Variants in EIF4G3 observed in about 807,000 individuals in gnomAD.
The protein encoded by EIF4G3 is eukaryotic translation initiation factor 4 gamma 3.
Under a neutral mutation model 186.4 loss-of-function variants are expected in EIF4G3, and 34 were observed. That is an observed-to-expected ratio of 0.18 (90% CI 0.14 to 0.24). EIF4G3 has a LOEUF of 0.24. Among genes scored for constraint, EIF4G3 ranks in the 10% least tolerant of loss-of-function variants. The pLI is 1.00. For missense variants in EIF4G3, 1,536 were observed against 1,948.5 expected (o/e 0.79, Z 3.99); for synonymous variants, 673 against 679.5 (o/e 0.99, Z 0.15).
chr1:21,132,718 G>C (rs1270435734), intron 2 of EIF4G3, among the ~76,000 whole-genome samples: 1 of 151,922 alleles, frequency 6.6e-6, no homozygotes, highest in Admixed American at 6.6e-5. Flanking sequence ...AGAAGCACAG[G>C]CATGAGCTAC....
Position 21,050,865 on chromosome 1 carries a change from C to T in EIF4G3, c.-67+1G>A. 1 of 694,784 alleles carries T rather than the reference C, an allele frequency of 1.4e-6. No homozygotes were observed. Among genetic ancestry groups the T allele is most frequent in the Non-Finnish European group, 2.6e-6 (1 of 379,562 alleles). 43.0% of individuals were successfully genotyped at this position (694,784 alleles called of 1,614,324 possible). A position where few individuals can be genotyped will look rare whatever the true frequency, so the allele number is the denominator to read the frequency against. ...ATTTTTTTAAAAAAGGTTTATCTTA[C>T]TTGAGAGAGTCCAGGGGACGATGCA... On this transcript the variant is annotated splice_donor_variant, in intron 4 of 36. Coordinates refer to ENST00000602326, the MANE Select transcript of EIF4G3 (RefSeq NM_001391906.1). LOFTEE classifies it low-confidence loss of function (5UTR_SPLICE).
chr1:21,117,774 G>A (rs1472119308), intron 2 of EIF4G3, among the ~76,000 whole-genome samples: 3 of 102,286 alleles, frequency 2.9e-5, no homozygotes, highest in Non-Finnish European at 6.8e-5. Context: ...AAAAGCAGAA[G>A]TGGGAGGATG....
intron 2 of EIF4G3, among the ~76,000 whole-genome samples, chr1:21,145,671 A>T (rs2097427101): frequency 6.6e-6 from 1 of 152,206 alleles, no homozygotes; most frequent in Non-Finnish European, 1.5e-5. Flanking sequence ...TGAATGGTAA[A>T]GTCTCACCAA....
At chr1:20,855,094 T>C in intron 25 of EIF4G3, 23 bp from the exon 26 acceptor site, 2 of 1,528,422 alleles carry the variant, frequency 1.3e-6, no homozygotes, top group Non-Finnish European at 1.8e-6. Flanking sequence ...GGACCACAAG[T>C]CAATTATAGG....
At chr1:20,850,656 C>T (rs867191923) in intron 28 of EIF4G3, among the ~76,000 whole-genome samples, 45 of 152,114 alleles carry the variant, frequency 3.0e-4, no homozygotes, top group African/African-American at 1.0e-3. Flanking sequence ...TAAGTGTTTA[C>T]GTGTATTAAC....
chr1:21,017,627 CAAAAAAAAAAAA>C (rs71014146), intron 4 of EIF4G3, among the ~76,000 whole-genome samples: 9 of 49,230 alleles, frequency 1.8e-4, no homozygotes, highest in Non-Finnish European at 2.5e-4. Flanking sequence ...GACTCCGTCT[CAAAAAAAAAAAA>C]AAAAAAAAAA....
At chr1:20,940,219 A>G (rs927969282) in intron 14 of EIF4G3, among the ~76,000 whole-genome samples, 1 of 152,134 alleles carries the variant, frequency 6.6e-6, no homozygotes. Flanking sequence ...TCCACCAAGG[A>G]ACAAGTTTCC....
intron 30 of EIF4G3, among the ~76,000 whole-genome samples, chr1:20,835,692 C>T (rs766412262): frequency 6.6e-6 from 1 of 152,128 alleles, no homozygotes; most frequent in Admixed American, 6.6e-5. Flanking sequence ...GTAATCCCAG[C>T]ACTTTGAGAG....
chr1:20,926,324 T>G (rs1300403112), intron 14 of EIF4G3, among the ~76,000 whole-genome samples: 1 of 152,150 alleles, frequency 6.6e-6, no homozygotes, highest in Non-Finnish European at 1.5e-5. Flanking sequence ...GTTGTGAGGG[T>G]TAAAGAACTG....
chr1:21,009,200 A>C (rs945824479), intron 4 of EIF4G3, among the ~76,000 whole-genome samples: 4 of 152,002 alleles, frequency 2.6e-5, no homozygotes, highest in Admixed American at 2.0e-4. Context: ...TTTTCCTTGG[A>C]GACAGGGTCT....
intron 33 of EIF4G3, among the ~76,000 whole-genome samples, chr1:20,821,025 C>T (rs893505871): frequency 3.3e-5 from 5 of 152,146 alleles, no homozygotes; most frequent in East Asian, 3.8e-4. Flanking sequence ...CATTTGTTTG[C>T]GTACCTCATT....
chr1:21,136,099 C>T (rs992535382), intron 2 of EIF4G3, among the ~76,000 whole-genome samples: 2 of 152,016 alleles, frequency 1.3e-5, no homozygotes, highest in South Asian at 2.1e-4. Context: ...AGGAGAATGG[C>T]GTGAACCCGG....
chr1:21,152,669 T>C (rs2097571726), intron 2 of EIF4G3, among the ~76,000 whole-genome samples: 1 of 152,188 alleles, frequency 6.6e-6, no homozygotes, highest in Admixed American at 6.5e-5. Flanking sequence ...CATTGCGGTA[T>C]TAGCTATTAA....
At position 21,176,231 on chromosome 1, in the gene EIF4G3, TGCCGCCGCCGCCGCCGCCGCC is replaced by T. The variant is rs34197724; in HGVS notation, c.-349_-329del. On this transcript the variant is annotated 5_prime_UTR_variant, in exon 2 of 37. Coordinates refer to ENST00000602326, the MANE Select transcript of EIF4G3 (RefSeq NM_001391906.1). Reference sequence around the variant, plus strand: ...TGTTCGGGTGAGGAGGGGGGACCGCTGCCGCCGCCGCCGCCGCCGCCGCCGCCGCCGCCGCTGCTGCCGCCG... The same window carrying T: ...TGTTCGGGTGAGGAGGGGGGACCGCTGCCGCCGCCGCCGCTGCTGCCGCCG... The T allele has an allele frequency of 1.9e-4, 66 of 346,284 alleles. 7 individuals are homozygous for T. Among genetic ancestry groups the T allele is most frequent in the South Asian group, 1.5e-3 (17 of 11,708 alleles). 21.5% of individuals were successfully genotyped at this position (346,284 alleles called of 1,614,324 possible).
At chr1:20,892,541 T>C (rs1045288292) in intron 18 of EIF4G3, 8 of 1,057,086 alleles carry the variant, frequency 7.6e-6, no homozygotes, top group Non-Finnish European at 7.0e-6. Context: ...TAACAATCAA[T>C]AGTAAATAAA....
At chr1:20,835,570 A>T (rs567445085) in intron 30 of EIF4G3, among the ~76,000 whole-genome samples, 1 of 152,320 alleles carries the variant, frequency 6.6e-6, no homozygotes, top group African/African-American at 2.4e-5. Context: ...ACAAAGGATC[A>T]TAAGAAACTA....
At chr1:20,956,710 C>A (rs1339708931) in intron 12 of EIF4G3, among the ~76,000 whole-genome samples, 1 of 151,822 alleles carries the variant, frequency 6.6e-6, no homozygotes, top group East Asian at 1.9e-4. Flanking sequence ...TCTCGCTCTG[C>A]CACTCAGGCT....
intron 4 of EIF4G3, among the ~76,000 whole-genome samples, chr1:21,043,709 T>C (rs1395646910): frequency 2.0e-5 from 3 of 151,910 alleles, no homozygotes; most frequent in African/African-American, 7.3e-5. Flanking sequence ...CTGAGCAACA[T>C]GAGGAAACCC....
chr1:20,887,856 T>C (rs2084735360), intron 18 of EIF4G3, among the ~76,000 whole-genome samples: 1 of 152,156 alleles, frequency 6.6e-6, no homozygotes, highest in Non-Finnish European at 1.5e-5. Context: ...AATGTGGTAA[T>C]CAAGTAATGC....
Sources: gnomAD v4.1 joint callset for allele counts (sites outside exome capture counted in the v4.1 genomes callset) on GRCh38, gnomAD v4.1.1 for gene constraint, MANE v1.5 for transcripts, NCBI Gene and HGNC (gene_info 2026-07-23, HGNC 2026-07-21) for gene names.